The following XIRP2 variants were observed in gnomAD, a reference collection of about 807,000 sequenced individuals.
XIRP2 encodes xin actin binding repeat containing 2, also known as xin actin-binding repeat-containing protein 2.
A neutral mutation model predicts 277.0 loss-of-function variants in XIRP2; 236 were observed. The observed-to-expected ratio is 0.85, with a 90% CI of 0.77 to 0.95. The LOEUF (loss-of-function observed/expected upper bound fraction) is 0.95. Among genes scored for constraint, XIRP2 ranks in the 40% least tolerant of loss-of-function variants. XIRP2 has a pLI of 0.00. For synonymous variants in XIRP2, 1,490 were observed against 1,416.5 expected (o/e 1.05, Z -1.17); for missense variants, 4,640 against 4,157.5 (o/e 1.12, Z -3.19).
intron 9 of XIRP2, 133 bp from the exon 10 acceptor site, chr2:167,253,899 T>C: frequency 2.0e-6 from 2 of 1,002,018 alleles, no homozygotes; most frequent in South Asian, 4.3e-5. Context: ...CAGAGAAACA[T>C]CATAAGGACA....
chr2:166,959,023 T>G (rs1207674321), intron 2 of XIRP2, among the ~76,000 whole-genome samples: 1 of 151,704 alleles, frequency 6.6e-6, no homozygotes, highest in Non-Finnish European at 1.5e-5. Context: ...GCCTGAAGCA[T>G]CTCTGTTTCT....
chr2:166,999,218 T>C (rs1558942139), intron 2 of XIRP2, among the ~76,000 whole-genome samples: 1 of 152,152 alleles, frequency 6.6e-6, no homozygotes, highest in African/African-American at 2.4e-5. Flanking sequence ...TAGCTTTATT[T>C]TGATACCATT....
rs16822926 is a variant in XIRP2 at position 167,215,087 on chromosome 2, A to C, written c.724-3079A>C. The stretch of plus-strand genomic sequence containing the variant: ...CCTTAATGTCTATAATTTGATACTT[A>C]TAGATTATCTATATATAATTTATCC... On this transcript the variant is annotated intron_variant, in intron 4 of 10. Coordinates refer to ENST00000409195, the MANE Select transcript of XIRP2 (RefSeq NM_152381.6). Among the ~76,000 whole-genome samples, 612 of 152,274 alleles carry C rather than the reference A, an allele frequency of 4.0e-3. 7 individuals are homozygous for C. Among genetic ancestry groups the C allele is most frequent in the African/African-American group, 0.014 (571 of 41,542 alleles).
chr2:167,248,367 T>C lies in XIRP2; in HGVS notation c.6975T>C (p.Phe2325=). The change falls in exon 9 of 11, where the codon TTT becomes TTC. Residue 2325 remains phenylalanine, a synonymous_variant. Coordinates refer to ENST00000409195, the MANE Select transcript of XIRP2 (RefSeq NM_152381.6). ...PLMMFPEKNG[F]LPSLSTEKIK... The stretch of plus-strand genomic sequence containing the variant: ...TGATGTTTCCTGAAAAAAATGGGTT[T>C]CTTCCCTCACTGTCCACAGAGAAGA... 6.2e-7 allele frequency: 1 copy of C among 1,613,772 alleles called. No individual in the cohort carries two copies. The highest frequency in any genetic ancestry group is 1.1e-5 in the South Asian group (1 of 91,062).
intron 2 of XIRP2, among the ~76,000 whole-genome samples, chr2:167,051,617 TAAGAC>T (rs1688916748): frequency 6.6e-6 from 1 of 152,102 alleles, no homozygotes; most frequent in Non-Finnish European, 1.5e-5. Context: ...AAGGAAACCT[TAAGAC>T]AATATGTAAA....
At chr2:167,102,197 A>G (rs1296445491) in intron 2 of XIRP2, among the ~76,000 whole-genome samples, 2 of 152,212 alleles carry the variant, frequency 1.3e-5, no homozygotes, top group Non-Finnish European at 2.9e-5. Context: ...CATAGGGAAC[A>G]AACTAGAGAT....
At chr2:167,077,662 G>C (rs2105257937) in intron 2 of XIRP2, among the ~76,000 whole-genome samples, 1 of 152,276 alleles carries the variant, frequency 6.6e-6, no homozygotes, top group South Asian at 2.1e-4. Flanking sequence ...GACACCTGGG[G>C]AAAGTATGGT....
chr2:166,944,310 G>T (rs1221755715), intron 2 of XIRP2, among the ~76,000 whole-genome samples: 1 of 152,188 alleles, frequency 6.6e-6, no homozygotes. Flanking sequence ...GTATTTGGTT[G>T]TATCTCCAAA....
At chr2:167,202,863 C>T (rs567889229) in intron 3 of XIRP2, among the ~76,000 whole-genome samples, 2 of 152,268 alleles carry the variant, frequency 1.3e-5, no homozygotes, top group East Asian at 3.9e-4. Flanking sequence ...GCCAAGCTTC[C>T]TCCAGAAGCT....
At chr2:166,926,130 G>C (rs1231380668) in intron 2 of XIRP2, among the ~76,000 whole-genome samples, 1 of 151,824 alleles carries the variant, frequency 6.6e-6, no homozygotes, top group Non-Finnish European at 1.5e-5. Flanking sequence ...CAGGTATATA[G>C]GATTTAGAAG....
chr2:167,061,380 A>G (rs1001353713), intron 2 of XIRP2, among the ~76,000 whole-genome samples: 2 of 152,140 alleles, frequency 1.3e-5, no homozygotes, highest in African/African-American at 4.8e-5. Context: ...GATCTCCAGT[A>G]TAATATTGAA....
At chr2:167,026,787 C>T (rs1164129497) in intron 2 of XIRP2, among the ~76,000 whole-genome samples, 1 of 151,916 alleles carries the variant, frequency 6.6e-6, no homozygotes, top group Non-Finnish European at 1.5e-5. Context: ...TTGGCCCCCA[C>T]TCTCTTCTGG....
intron 2 of XIRP2, among the ~76,000 whole-genome samples, chr2:166,913,746 A>G (rs546534333): frequency 2.0e-5 from 3 of 152,230 alleles, no homozygotes; most frequent in Non-Finnish European, 4.4e-5. Flanking sequence ...TAGGAGAAGA[A>G]TAATTGCAGC....
chr2:166,921,604 T>A (rs1184013959), intron 2 of XIRP2, among the ~76,000 whole-genome samples: 4 of 152,116 alleles, frequency 2.6e-5, no homozygotes, highest in Non-Finnish European at 5.9e-5. Flanking sequence ...AAAAATCACA[T>A]TTCATTTTTT....
intron 2 of XIRP2, among the ~76,000 whole-genome samples, chr2:167,062,610 T>A (rs528939034): frequency 6.6e-6 from 1 of 152,272 alleles, no homozygotes; most frequent in South Asian, 2.1e-4. Context: ...CTGTAATCTT[T>A]AATGGAATTT....
intron 2 of XIRP2, among the ~76,000 whole-genome samples, chr2:167,091,571 C>A (rs1690148286): frequency 6.6e-6 from 1 of 151,850 alleles, no homozygotes; most frequent in African/African-American, 2.4e-5. Context: ...AATTATTAGC[C>A]TTTTCTTCTT....
At chr2:167,159,336 G>A (rs1211476258) in intron 3 of XIRP2, among the ~76,000 whole-genome samples, 4 of 152,168 alleles carry the variant, frequency 2.6e-5, no homozygotes, top group Admixed American at 2.6e-4. Context: ...TATAGCCACA[G>A]AGAGTGGCTT....
rs1338580560 is a variant in XIRP2, at chr2:167,101,726, A to G, written c.409-34183A>G. On this transcript the variant is annotated intron_variant, in intron 2 of 10. Transcript: ENST00000409195. ...CTATGAGTGCAAAATATATAAGAGAATAGTTTCTGAGTTGTCTTAGAAGGA... is the reference window on the plus strand; with the variant it reads ...CTATGAGTGCAAAATATATAAGAGAGTAGTTTCTGAGTTGTCTTAGAAGGA... Among the ~76,000 whole-genome samples the G allele has an allele frequency of 4.6e-5, 7 of 152,212 alleles. No individual in the cohort carries two copies. In the East Asian group the frequency reaches 9.6e-4, roughly 21 times the overall value.
rs375316246 is a variant in XIRP2, at chr2:167,034,583, A to G, written c.409-101326A>G. Among the ~76,000 whole-genome samples, 176 of 152,266 alleles carry G rather than the reference A, an allele frequency of 1.2e-3. 1 individual carries two copies. Among genetic ancestry groups the G allele is most frequent in the South Asian group, 0.011 (51 of 4,824 alleles). On this transcript the variant is annotated intron_variant, in intron 2 of 10. Coordinates refer to ENST00000409195, the MANE Select transcript of XIRP2 (RefSeq NM_152381.6). ...ATAAAGATACACATAGACTGAAAATAAAGGGATGGAAAATGATATCCCATG... is the reference window on the plus strand; with the variant it reads ...ATAAAGATACACATAGACTGAAAATGAAGGGATGGAAAATGATATCCCATG...
Sources: gnomAD v4.1 joint callset for allele counts (sites outside exome capture counted in the v4.1 genomes callset) on GRCh38, gnomAD v4.1.1 for gene constraint, MANE v1.5 for transcripts, NCBI Gene and HGNC (gene_info 2026-07-23, HGNC 2026-07-21) for gene names.